SLCO1B3: variants seen among roughly 807,000 people sequenced by gnomAD.
SLCO1B3 encodes liver-specific organic anion transporter 2.
SLCO1B3 carries 72 observed loss-of-function variants against 71.8 expected under a neutral mutation model. The observed-to-expected ratio is 1.00, with a 90% confidence interval of 0.83 to 1.22. SLCO1B3 has a LOEUF of 1.22. SLCO1B3 is among the 50% of genes most tolerant of loss of function. The pLI, the probability that SLCO1B3 is intolerant of heterozygous loss-of-function variation, is 0.00. For missense variants in SLCO1B3, 911 were observed against 819.7 expected (o/e 1.11, Z -1.36); for synonymous variants, 298 against 278.4 (o/e 1.07, Z -0.70).
At chr12:20,898,583 C>G in intron 14 of SLCO1B3, 83 bp downstream of exon 14, 1 of 607,816 alleles carries the variant, frequency 1.6e-6, no homozygotes, top group Non-Finnish European at 2.8e-6. Context: ...TAATTTTCAA[C>G]TATAAGACTG....
chr12:20,904,755 CTTTTTTTTTTTTTTTTTTTTT>C (rs775996155), intron 15 of SLCO1B3, among the ~76,000 whole-genome samples: 4 of 56,074 alleles, frequency 7.1e-5, no homozygotes, highest in Non-Finnish European at 1.2e-4. Flanking sequence ...GACATCCAGG[CTTTTTTTTTTTTTTTTTTTTT>C]TTTTTTTTTT....
chr12:20,883,326 A>T, intron 12 of SLCO1B3, 92 bp from the exon 13 acceptor site: 1 of 683,064 alleles, frequency 1.5e-6, no homozygotes, highest in Non-Finnish European at 2.2e-6. Context: ...TAAATATTTT[A>T]GTTTGAGACT....
In SLCO1B3 at chr12:20,883,618, T is replaced by C. The variant is rs1157584438; in HGVS notation, c.1682+16T>C. 5 of 1,538,050 alleles carry C rather than the reference T, an allele frequency of 3.3e-6. No individual in the cohort carries two copies. Among genetic ancestry groups the C allele is most frequent in the Non-Finnish European group, 4.4e-6 (5 of 1,136,784 alleles). ...TGACTGTGAAGTAAGTATGATCCTG[T>C]AAAACATTGTCATGTATATTAGACT... On this transcript the variant is annotated intron_variant, in intron 13 of 15. Coordinates refer to ENST00000381545, the MANE Select transcript of SLCO1B3 (RefSeq NM_019844.4).
chr12:20,891,145 T>A (rs74065703), intron 13 of SLCO1B3, among the ~76,000 whole-genome samples: 3,272 of 152,250 alleles, frequency 0.021, 124 homozygotes, highest in African/African-American at 0.074. Context: ...GTTTCCATAA[T>A]GATAAGTATT....
At chr12:20,830,051 CG>C (rs1272465195) in intron 3 of SLCO1B3, among the ~76,000 whole-genome samples, 1 of 152,106 alleles carries the variant, frequency 6.6e-6, no homozygotes, top group Non-Finnish European at 1.5e-5. Context: ...CCTTAATTGT[CG>C]GGGACTGCAG....
intron 8 of SLCO1B3, among the ~76,000 whole-genome samples, chr12:20,869,146 T>C (rs1865429844): frequency 6.6e-6 from 1 of 150,710 alleles, no homozygotes; most frequent in Non-Finnish European, 1.5e-5. Flanking sequence ...GGGGAAAGGG[T>C]GACTCCCTTT....
At chr12:20,902,796 C>T (rs1293446556) in intron 15 of SLCO1B3, among the ~76,000 whole-genome samples, 1 of 152,162 alleles carries the variant, frequency 6.6e-6, no homozygotes, top group South Asian at 2.1e-4. Flanking sequence ...AGGCCGGATG[C>T]AGTGGCTCAC....
intron 3 of SLCO1B3, among the ~76,000 whole-genome samples, chr12:20,818,877 A>T (rs1465419162): frequency 6.6e-6 from 1 of 152,208 alleles, no homozygotes; most frequent in Non-Finnish European, 1.5e-5. Flanking sequence ...TGGTGTCTGG[A>T]ATAATGTGGG....
At chr12:20,833,802 G>A (rs1342798936) in intron 3 of SLCO1B3, among the ~76,000 whole-genome samples, 1 of 147,088 alleles carries the variant, frequency 6.8e-6, no homozygotes, top group Admixed American at 6.8e-5. Flanking sequence ...CATAAAGTGT[G>A]TGTGTATATA....
intron 15 of SLCO1B3, among the ~76,000 whole-genome samples, chr12:20,907,613 A>G (rs992874812): frequency 2.5e-4 from 38 of 149,626 alleles, no homozygotes; most frequent in African/African-American, 8.6e-4. Context: ...GGTTCAAGCA[A>G]TTCTCTTGCC....
chr12:20,893,215 G>T (rs1173212878), intron 13 of SLCO1B3, among the ~76,000 whole-genome samples: 1 of 152,138 alleles, frequency 6.6e-6, no homozygotes, highest in East Asian at 1.9e-4. Context: ...AACTGACTGT[G>T]GGTGGAAGAC....
chr12:20,901,831 CA>C, intron 15 of SLCO1B3: 2 of 395,122 alleles, frequency 5.1e-6, no homozygotes, highest in Non-Finnish European at 9.7e-6. Flanking sequence ...TGACCAGCTG[CA>C]GCTCTGGTTA....
At position 20,845,345 on chromosome 12, in the gene SLCO1B3, G is replaced by C. The variant is rs528436167; in HGVS notation, c.85-9683G>C. 1.7e-4 allele frequency: 30 copies of C among 175,158 alleles called. No individual in the cohort carries two copies. The South Asian group carries it at 3.2e-3, about 19-fold the overall frequency. 10.9% of individuals were successfully genotyped at this position (175,158 alleles called of 1,614,324 possible). A position where few individuals can be genotyped will look rare whatever the true frequency, so the allele number is the denominator to read the frequency against. ...AACATCATCAGTCCTTAATGTCTTG[G>C]GCGCCCCTTGGAAATCACAGAAAGT... is the stretch of plus-strand genomic sequence containing the variant. On this transcript the variant is annotated intron_variant, in intron 3 of 15. Transcript: ENST00000381545.
chr12:20,905,134 A>G (rs1866215682), intron 15 of SLCO1B3, among the ~76,000 whole-genome samples: 1 of 151,752 alleles, frequency 6.6e-6, no homozygotes, highest in African/African-American at 2.4e-5. Flanking sequence ...CTGTACCTTG[A>G]CTCCCCTTAG....
intron 15 of SLCO1B3, among the ~76,000 whole-genome samples, chr12:20,912,244 T>A (rs2120456098): frequency 6.6e-6 from 1 of 151,822 alleles, no homozygotes; most frequent in Admixed American, 6.6e-5. Flanking sequence ...CCTTGTGGTT[T>A]AAGGACAGAT....
chr12:20,826,359 T>C (rs954410451), intron 3 of SLCO1B3, among the ~76,000 whole-genome samples: 2 of 152,092 alleles, frequency 1.3e-5, no homozygotes, highest in Non-Finnish European at 2.9e-5. Context: ...CTGAAAGCAG[T>C]GGGACACAAT....
intron 15 of SLCO1B3, among the ~76,000 whole-genome samples, chr12:20,904,639 C>G (rs1476792944): frequency 1.3e-5 from 2 of 151,944 alleles, no homozygotes; most frequent in Admixed American, 6.6e-5. Context: ...TAGGTAGTGC[C>G]TCAATGGGAA....
chr12:20,909,170 T>C lies in SLCO1B3; in HGVS notation c.1866-6834T>C, dbSNP rs567201724. The stretch of plus-strand genomic sequence containing the variant: ...AAGATGTGAAGCATCTTTTTCTTTT[T>C]TTTTTTTTTTTTTGAGACAGAGTAT... On this transcript the variant is annotated intron_variant, in intron 15 of 15. Coordinates refer to ENST00000381545, the MANE Select transcript of SLCO1B3 (RefSeq NM_019844.4). Among the ~76,000 whole-genome samples the C allele has an allele frequency of 6.9e-5, 10 of 144,412 alleles. 1 individual carries two copies. In the South Asian group the frequency reaches 1.7e-3, roughly 25 times the overall value. 94.7% of individuals were successfully genotyped at this position (144,412 alleles called of 152,430 possible). A position where few individuals can be genotyped will look rare whatever the true frequency, so the allele number is the denominator to read the frequency against.
chr12:20,814,459 CAG>C (rs1219362342), intron 2 of SLCO1B3, among the ~76,000 whole-genome samples: 2 of 151,966 alleles, frequency 1.3e-5, no homozygotes, highest in Non-Finnish European at 2.9e-5. Context: ...TTATGAACAA[CAG>C]AATACCCTGC....
Sources: gnomAD v4.1 joint callset for allele counts (sites outside exome capture counted in the v4.1 genomes callset) on GRCh38, gnomAD v4.1.1 for gene constraint, MANE v1.5 for transcripts, NCBI Gene and HGNC (gene_info 2026-07-23, HGNC 2026-07-21) for gene names.